Variants in UNC5D observed in about 807,000 individuals in gnomAD.
UNC5D encodes unc-5 netrin receptor D, also known as netrin receptor UNC5D.
A neutral mutation model predicts 105.4 loss-of-function variants in UNC5D; 39 were observed. That is an observed-to-expected ratio of 0.37 (90% CI 0.29 to 0.48). The LOEUF is 0.48. Among genes scored for constraint, UNC5D ranks in the 20% least tolerant of loss-of-function variants. The pLI is 0.98. For synonymous variants in UNC5D, 452 were observed against 450.4 expected, an observed-to-expected ratio of 1.00 and a Z score of -0.04; for missense variants, 991 against 1,202.4, an observed-to-expected ratio of 0.82 and a Z score of 2.60.
intron 1 of UNC5D, among the ~76,000 whole-genome samples, chr8:35,263,049 G>A (rs972417127): frequency 3.9e-5 from 6 of 152,116 alleles, no homozygotes; most frequent in Non-Finnish European, 7.4e-5. Context: ...TGTCCACTCA[G>A]TACTTTATAC....
intron 1 of UNC5D, among the ~76,000 whole-genome samples, chr8:35,520,032 T>C (rs578252451): frequency 1.3e-5 from 2 of 152,132 alleles, no homozygotes; most frequent in South Asian, 4.2e-4. Flanking sequence ...ACCATAGAGC[T>C]GCCATATGAC....
chr8:35,779,565 T>G (rs1802409729), intron 16 of UNC5D, among the ~76,000 whole-genome samples: 1 of 152,132 alleles, frequency 6.6e-6, no homozygotes, highest in South Asian at 2.1e-4. Context: ...TTCAAGTGAT[T>G]CTCCTGCCTC....
chr8:35,642,944 T>A (rs1360936547), intron 4 of UNC5D, among the ~76,000 whole-genome samples: 1 of 152,164 alleles, frequency 6.6e-6, no homozygotes, highest in Non-Finnish European at 1.5e-5. Context: ...AGGTCTTTTG[T>A]TGAACAGTGT....
At chr8:35,259,922 T>C (rs1804357831) in intron 1 of UNC5D, among the ~76,000 whole-genome samples, 1 of 152,090 alleles carries the variant, frequency 6.6e-6, no homozygotes, top group Non-Finnish European at 1.5e-5. Context: ...GATTTTTATT[T>C]TTTCCTTTTA....
At chr8:35,725,857 C>T (rs1828830339) in intron 9 of UNC5D, among the ~76,000 whole-genome samples, 1 of 152,102 alleles carries the variant, frequency 6.6e-6, no homozygotes. Context: ...TACCTGAGTT[C>T]GTTGCCAGAG....
chr8:35,591,680 T>G (rs2978567), intron 3 of UNC5D, among the ~76,000 whole-genome samples: 14,056 of 152,144 alleles, frequency 0.092, 667 homozygotes, highest in Middle Eastern at 0.11. Flanking sequence ...CACTTTCCCC[T>G]TACCTCATTT....
intron 1 of UNC5D, among the ~76,000 whole-genome samples, chr8:35,351,128 T>C (rs1812207122): frequency 6.6e-6 from 1 of 152,070 alleles, no homozygotes; most frequent in Non-Finnish European, 1.5e-5. Flanking sequence ...ATAAATATAC[T>C]TAAGCCTGAG....
At chr8:35,652,546 A>G (rs1230605225) in intron 4 of UNC5D, among the ~76,000 whole-genome samples, 3 of 152,150 alleles carry the variant, frequency 2.0e-5, no homozygotes, top group Non-Finnish European at 2.9e-5. Flanking sequence ...CAGATGAGTA[A>G]AGCATAGCAT....
Position 35,731,018 on chromosome 8 carries a change from G to A in UNC5D, c.1688G>A (p.Ser563Asn), listed in dbSNP as rs533784093. 6.2e-7 allele frequency: 1 copy of A among 1,613,740 alleles called. No homozygotes were observed. The highest frequency in any genetic ancestry group is 1.7e-5 in the Admixed American group (1 of 59,994). Residue 563 changes from serine (S) to asparagine (N), a missense_variant, in exon 11 of 17, where the codon AGC becomes AAC. Ser to Asn is a conservative substitution (Grantham distance 46). Transcript: ENST00000404895. ...GRLVMPNTGV[S>N]LLIPHGAIPE... ...TTGGCTTTTTCTGTTTTAGGGGTGAGCTTACTCATACCACACGGTGCCATC... is the reference window on the plus strand; with the variant it reads ...TTGGCTTTTTCTGTTTTAGGGGTGAACTTACTCATACCACACGGTGCCATC...
At chr8:35,314,056 G>T (rs900445563) in intron 1 of UNC5D, among the ~76,000 whole-genome samples, 1 of 152,074 alleles carries the variant, frequency 6.6e-6, no homozygotes, top group African/African-American at 2.4e-5. Flanking sequence ...ATAATAGATT[G>T]TTACAATTTC....
chr8:35,364,424 C>T (rs535750551), intron 1 of UNC5D, among the ~76,000 whole-genome samples: 21 of 152,200 alleles, frequency 1.4e-4, no homozygotes, highest in Admixed American at 1.3e-3. Context: ...TTTTCTAAAG[C>T]ACTTTTCCTA....
rs114862223 is a variant in UNC5D at position 35,774,603 on chromosome 8, G to T, written c.2657+126G>T. The T allele has an allele frequency of 5.9e-4, 739 of 1,263,020 alleles. 4 individuals are homozygous for T. The African/African-American group carries it at 9.5e-3, about 16-fold the overall frequency. 78.2% of individuals were successfully genotyped at this position (1,263,020 alleles called of 1,614,324 possible). On this transcript the variant is annotated intron_variant, in intron 16 of 16. Transcript: ENST00000404895. Reference sequence around the variant, plus strand: ...ATGAGTTCCTCTGGCCATATTTCCTGTGTGTTCCCACTAAGTAAGTGGGGA... The same window carrying T: ...ATGAGTTCCTCTGGCCATATTTCCTTTGTGTTCCCACTAAGTAAGTGGGGA...
chr8:35,551,677 G>A (rs1369385063), intron 2 of UNC5D, among the ~76,000 whole-genome samples: 2 of 152,000 alleles, frequency 1.3e-5, no homozygotes, highest in African/African-American at 2.4e-5. Flanking sequence ...AATTAGCCAG[G>A]GTTGGTGACG....
At chr8:35,604,087 T>G (rs994805190) in intron 4 of UNC5D, among the ~76,000 whole-genome samples, 3 of 152,254 alleles carry the variant, frequency 2.0e-5, no homozygotes, top group African/African-American at 7.2e-5. Context: ...CCTGTCATTA[T>G]GATGTTAGCT....
Position 35,750,710 on chromosome 8 carries a change from G to C in UNC5D, c.2064G>C (p.Val688=). The C allele has an allele frequency of 6.2e-7, 1 of 1,614,142 alleles. No homozygotes were observed. Among genetic ancestry groups the C allele is most frequent in the Non-Finnish European group, 8.5e-7 (1 of 1,180,016 alleles). Residue 688 remains valine, a synonymous_variant, in exon 13 of 17, where the codon GTG becomes GTC. Transcript: ENST00000404895. ...GAGAGCCAATCACAGACTGTGCCGTGAAGCAACTGAAGGTGGCGGTTTTTG... is the reference window on the plus strand; with the variant it reads ...GAGAGCCAATCACAGACTGTGCCGTCAAGCAACTGAAGGTGGCGGTTTTTG... The part of the protein sequence containing the change: ...LTGEPITDCA[V]KQLKVAVFGC...
intron 1 of UNC5D, among the ~76,000 whole-genome samples, chr8:35,253,967 T>G (rs531192786): frequency 1.3e-5 from 2 of 152,340 alleles, no homozygotes; most frequent in Non-Finnish European, 1.5e-5. Context: ...GTTTTTGTTT[T>G]TATTTCCTAC....
intron 1 of UNC5D, among the ~76,000 whole-genome samples, chr8:35,436,278 T>A (rs1016279275): frequency 6.6e-6 from 1 of 152,054 alleles, no homozygotes. Context: ...ACTGTTGAAG[T>A]CTTCAGAAAT....
intron 1 of UNC5D, among the ~76,000 whole-genome samples, chr8:35,408,534 A>G (rs939589274): frequency 6.6e-6 from 1 of 151,232 alleles, no homozygotes; most frequent in African/African-American, 2.4e-5. Context: ...ATTGGCCCCT[A>G]TGAAACTGTT....
chr8:35,532,190 G>T (rs917718146), intron 1 of UNC5D, among the ~76,000 whole-genome samples: 104 of 149,860 alleles, frequency 6.9e-4, no homozygotes, highest in African/African-American at 2.3e-3. Context: ...GGTACCGGTT[G>T]TTCCTTTCCA....
Sources: gnomAD v4.1 joint callset for allele counts (sites outside exome capture counted in the v4.1 genomes callset) on GRCh38, gnomAD v4.1.1 for gene constraint, MANE v1.5 for transcripts, NCBI Gene and HGNC (gene_info 2026-07-23, HGNC 2026-07-21) for gene names.